The following IKZF1 variants were observed in gnomAD, a reference collection of about 807,000 sequenced individuals.
IKZF1 encodes the protein IKAROS family zinc finger 1.
A neutral mutation model predicts 51.7 loss-of-function variants in IKZF1; 10 were observed. That is an observed-to-expected ratio of 0.19 (90% CI 0.12 to 0.33). The LOEUF is 0.33. Among genes scored for constraint, IKZF1 ranks in the 10% least tolerant of loss-of-function variants. IKZF1 has a pLI of 1.00. For synonymous variants in IKZF1, 280 were observed against 282.3 expected (o/e 0.99, Z 0.08); for missense variants, 484 against 707.5 (o/e 0.68, Z 3.58).
In IKZF1 at chr7:50,403,274, A is replaced by G. The variant is rs759310479; in HGVS notation, c.*2647A>G. On this transcript the variant is annotated 3_prime_UTR_variant, in exon 8 of 8. Coordinates refer to ENST00000331340, the MANE Select transcript of IKZF1 (RefSeq NM_006060.6). ...TAAAAGGTGGCCATATCATGTACCA[A>G]AAGTTGCTGAAGTTTCTCTTCTAGC... The G allele has an allele frequency of 1.3e-5, 3 of 222,552 alleles. No homozygotes were observed. Among genetic ancestry groups the G allele is most frequent in the Non-Finnish European group, 2.7e-5 (3 of 111,354 alleles). 13.8% of individuals were successfully genotyped at this position (222,552 alleles called of 1,614,324 possible).
chr7:50,303,601 C>G (rs1788080502), upstream of IKZF1, among the ~76,000 whole-genome samples: 1 of 152,124 alleles, frequency 6.6e-6, no homozygotes. The surrounding 1 kb of genome is among the most constrained non-coding windows in gnomAD (Gnocchi z 4.7). Context: ...GGAGGATCAA[C>G]TTTTCCCACC....
rs113829971 is a variant in IKZF1, at chr7:50,376,051, G to A, written c.161-482G>A. ...GAAAGGTAGCATCACAATAAGAGAC[G>A]TTTTTCAGGCTTGATAACCACTTAT... On this transcript the variant is annotated intron_variant, in intron 3 of 7. Transcript: ENST00000331340. This position sits in a 1 kb window ranked among gnomAD's most constrained non-coding sequence, Gnocchi z 4.5. 8.1e-3 allele frequency among the ~76,000 whole-genome samples: 1,239 copies of A among 152,264 alleles called. 13 individuals are homozygous for A. The highest frequency in any genetic ancestry group is 0.024 in the African/African-American group (980 of 41,546).
At chr7:50,385,751 G>A (rs1163258674) in intron 5 of IKZF1, among the ~76,000 whole-genome samples, 2 of 152,194 alleles carry the variant, frequency 1.3e-5, no homozygotes, top group Admixed American at 6.5e-5. Context: ...AAAGGGTATC[G>A]AGTGGTTATC....
At chr7:50,371,974 T>C (rs1808813692) in intron 3 of IKZF1, among the ~76,000 whole-genome samples, 1 of 152,184 alleles carries the variant, frequency 6.6e-6, no homozygotes, top group South Asian at 2.1e-4. Context: ...GCCAAGACAC[T>C]CTCATCCTGG....
At chr7:50,358,667 C>T (rs1804254821) in intron 3 of IKZF1, among the ~76,000 whole-genome samples, 1 of 152,168 alleles carries the variant, frequency 6.6e-6, no homozygotes, top group Non-Finnish European at 1.5e-5. Flanking sequence ...GCTGATCACT[C>T]ACAAGCCAAG....
chr7:50,329,072 CAAAAAAAAA>C (rs754431183), intron 3 of IKZF1: 1 of 91,736 alleles, frequency 1.1e-5, no homozygotes, highest in East Asian at 3.9e-4. Flanking sequence ...GACTCCATCT[CAAAAAAAAA>C]AAAAAAAAAG....
chr7:50,391,564 G>A (rs548826251), intron 6 of IKZF1, among the ~76,000 whole-genome samples, 165 bp from the exon 7 acceptor site: 31 of 152,258 alleles, frequency 2.0e-4, no homozygotes, highest in African/African-American at 5.8e-4. Flanking sequence ...GCATTGCTCC[G>A]GCTGCCTCTG....
chr7:50,310,632 T>A (rs1789941500), intron 1 of IKZF1, among the ~76,000 whole-genome samples: 1 of 152,182 alleles, frequency 6.6e-6, no homozygotes, highest in African/African-American at 2.4e-5. Flanking sequence ...ATGTGATGAA[T>A]GGTTTTGGCA....
intron 3 of IKZF1, among the ~76,000 whole-genome samples, chr7:50,360,724 G>T (rs1480986340): frequency 6.6e-6 from 1 of 152,222 alleles, no homozygotes; most frequent in Non-Finnish European, 1.5e-5. Flanking sequence ...ACACTCTGAC[G>T]ACTGCCGAGC....
chr7:50,304,346 G>A (rs1271601778), upstream of IKZF1: 1 of 149,432 alleles, frequency 6.7e-6, no homozygotes, highest in Non-Finnish European at 1.5e-5. Flanking sequence ...AGCGATCCGG[G>A]AGGCGGCCGA....
chr7:50,342,446 T>TTA (rs1799267904), intron 3 of IKZF1, among the ~76,000 whole-genome samples: 1 of 152,204 alleles, frequency 6.6e-6, no homozygotes, highest in Non-Finnish European at 1.5e-5. Flanking sequence ...TGAAATGAGG[T>TTA]AGCTGCTTTA....
chr7:50,335,384 ATG>A (rs1275614778), intron 3 of IKZF1, among the ~76,000 whole-genome samples: 7 of 106,694 alleles, frequency 6.6e-5, no homozygotes, highest in Non-Finnish European at 1.1e-4. Context: ...TGTGGTGTGT[ATG>A]TGTGTATGGG....
chr7:50,402,942 A>T lies in IKZF1; in HGVS notation c.*2315A>T, dbSNP rs560413171. 1.7e-5 allele frequency: 4 copies of T among 229,024 alleles called. No homozygotes were observed. Among genetic ancestry groups the T allele is most frequent in the African/African-American group, 6.6e-5 (3 of 45,188 alleles). 14.2% of individuals were successfully genotyped at this position (229,024 alleles called of 1,614,324 possible). A position where few individuals can be genotyped will look rare whatever the true frequency, so the allele number is the denominator to read the frequency against. The stretch of plus-strand genomic sequence containing the variant: ...ATATCTCTAAGGTGAGAGCCTTCTT[A>T]GAGTCAGTTTGTTGCAAATTTCACC... On this transcript the variant is annotated 3_prime_UTR_variant, in exon 8 of 8. Transcript: ENST00000331340.
chr7:50,323,497 A>G (rs754449513), intron 2 of IKZF1, among the ~76,000 whole-genome samples: 2 of 152,250 alleles, frequency 1.3e-5, no homozygotes, highest in East Asian at 1.9e-4. Flanking sequence ...CTTACATTTT[A>G]TAAGCTAATT....
At chr7:50,385,554 C>G (rs571074416) in intron 5 of IKZF1, among the ~76,000 whole-genome samples, 4 of 152,226 alleles carry the variant, frequency 2.6e-5, no homozygotes, top group African/African-American at 9.6e-5. Context: ...CTTAGAATTT[C>G]TTTCCCAAAG....
rs1818525082 is a variant in IKZF1, at chr7:50,403,731, A to G, written c.*3104A>G. On this transcript the variant is annotated 3_prime_UTR_variant, in exon 8 of 8. Coordinates refer to ENST00000331340, the MANE Select transcript of IKZF1 (RefSeq NM_006060.6). Reference sequence around the variant, plus strand: ...ATTTCCAATTTAGAATTAGCCACATAATAAAATCTTAGAATCTTCCTTGAG... The same window carrying G: ...ATTTCCAATTTAGAATTAGCCACATGATAAAATCTTAGAATCTTCCTTGAG... The G allele has an allele frequency of 4.4e-6, 1 of 229,070 alleles. No homozygotes were observed. Among genetic ancestry groups the G allele is most frequent in the South Asian group, 1.8e-4 (1 of 5,478 alleles). The allele number at this position is 229,070 out of a possible 1,614,324, so 14.2% of individuals were successfully genotyped here.
At chr7:50,391,648 A>G in intron 6 of IKZF1, 81 bp from the exon 7 acceptor site, 1 of 1,558,424 alleles carries the variant, frequency 6.4e-7, no homozygotes, top group African/African-American at 1.4e-5. Flanking sequence ...GCACTTAACA[A>G]ATGTCAGATT....
intron 6 of IKZF1, among the ~76,000 whole-genome samples, chr7:50,390,261 G>A (rs1025932973): frequency 6.6e-6 from 1 of 152,188 alleles, no homozygotes; most frequent in East Asian, 1.9e-4. Context: ...ACCTCTGGGA[G>A]CCCTGGGCAG....
At chr7:50,304,627 G>C (rs1788328127), upstream of IKZF1, 1 of 151,940 alleles carries the variant, frequency 6.6e-6, no homozygotes, top group African/African-American at 2.4e-5. Context: ...GGAGTGTGGC[G>C]GAGAAATGGG....
Sources: allele counts gnomAD v4.1 joint callset (sites outside exome capture counted in the v4.1 genomes callset), GRCh38; gene constraint gnomAD v4.1.1; non-coding constraint Gnocchi (gnomAD v3.1); transcripts MANE v1.5; gene names NCBI Gene and HGNC (gene_info 2026-07-23, HGNC 2026-07-21).